The following RABL6 variants were observed in gnomAD, a reference collection of about 807,000 sequenced individuals.
The protein encoded by RABL6 is rab-like protein 6.
Under a neutral mutation model 72.9 loss-of-function variants are expected in RABL6, and 28 were observed. That is an observed-to-expected ratio of 0.38 (90% CI 0.28 to 0.53). RABL6 has a LOEUF of 0.53. RABL6 is among the 20% of genes least tolerant of loss of function. RABL6 has a pLI of 0.80. For synonymous variants in RABL6, 477 were observed against 421.2 expected (o/e 1.13, Z -1.62); for missense variants, 1,029 against 1,008.4 (o/e 1.02, Z -0.28).
rs748879632 is a variant in RABL6, at chr9:136,840,627, G to A, written c.*105G>A. ...CCTTTGCCGCTGCCCCGTGGCTGCC[G>A]TGTGCGCTTCTGAGCTGGAAGAGGC... On this transcript the variant is annotated 3_prime_UTR_variant, in exon 15 of 15. Coordinates refer to ENST00000311502, the MANE Select transcript of RABL6 (RefSeq NM_024718.5). 1.3e-4 allele frequency: 194 copies of A among 1,549,496 alleles called. No individual in the cohort carries two copies. In the East Asian group the frequency reaches 2.7e-3, roughly 21 times the overall value.
At position 136,839,426 on chromosome 9, in the gene RABL6, G is replaced by A; in HGVS notation, c.1698G>A (p.Leu566=). The change falls in exon 12 of 15, where the codon CTG becomes CTA. Residue 566 remains leucine (L), a synonymous_variant. Transcript: ENST00000311502. ...DPEGPIAAQM[L]SFVMDDPDFE... is the part of the protein sequence containing the mutation. The stretch of plus-strand genomic sequence containing the variant: ...AGGGACCCATTGCTGCACAAATGCT[G>A]TCCTTCGTCATGGATGACCCCGACT... The A allele has an allele frequency of 6.2e-7, 1 of 1,612,610 alleles. No individual in the cohort carries two copies. The highest frequency in any genetic ancestry group is 8.5e-7 in the Non-Finnish European group (1 of 1,179,738).
chr9:136,838,022 G>T lies in RABL6; in HGVS notation c.1280+7G>T. 6.4e-7 allele frequency: 1 copy of T among 1,555,038 alleles called. No individual in the cohort carries two copies. Among genetic ancestry groups the T allele is most frequent in the Non-Finnish European group, 8.7e-7 (1 of 1,149,732 alleles). On this transcript the variant is annotated splice_region_variant and intron_variant, in intron 10 of 14. Transcript: ENST00000311502. ...CCCAGCAGGACAGCGACAGGTGAGGGGTGGGCCTGGGCCTCCTCTCCCATT... is the reference window on the plus strand; with the variant it reads ...CCCAGCAGGACAGCGACAGGTGAGGTGTGGGCCTGGGCCTCCTCTCCCATT...
chr9:136,821,852 G>A, intron 1 of RABL6: 1 of 1,218,798 alleles, frequency 8.2e-7, no homozygotes, highest in South Asian at 1.4e-5. Flanking sequence ...TCGGCCGGGA[G>A]AAGCGCGGAG....
chr9:136,839,053 A>G lies in RABL6; in HGVS notation c.1425A>G (p.Ala475=). The G allele has an allele frequency of 6.2e-7, 1 of 1,612,392 alleles. No individual in the cohort carries two copies. Among genetic ancestry groups the G allele is most frequent in the South Asian group, 1.1e-5 (1 of 91,068 alleles). ...QDITLSSEEE[A]EVAAPTKGPA... ...TCACTCTTTCGAGTGAGGAGGAAGC[A>G]GAAGTGGCAGCTCCCACAAAAGGCC... Residue 475 remains alanine (A), a synonymous_variant, in exon 11 of 15, where the codon GCA becomes GCG. Coordinates refer to ENST00000311502, the MANE Select transcript of RABL6 (RefSeq NM_024718.5).
rs941428228 is a variant in RABL6 at position 136,814,061 on chromosome 9, C to T, written c.130+5735C>T. ...TCATTGCCAAAGTCTTTCAAACCAGCGAGTTCCAAGGCTCTTTCCAGGTCT... is the reference window on the plus strand; with the variant it reads ...TCATTGCCAAAGTCTTTCAAACCAGTGAGTTCCAAGGCTCTTTCCAGGTCT... On this transcript the variant is annotated intron_variant, in intron 1 of 14. Coordinates refer to ENST00000311502, the MANE Select transcript of RABL6 (RefSeq NM_024718.5). The T allele has an allele frequency of 2.6e-5, 10 of 381,780 alleles. 1 individual carries two copies. Among genetic ancestry groups the T allele is most frequent in the East Asian group, 1.7e-4 (2 of 11,950 alleles). 23.6% of individuals were successfully genotyped at this position (381,780 alleles called of 1,614,324 possible). A position where few individuals can be genotyped will look rare whatever the true frequency, so the allele number is the denominator to read the frequency against.
intron 1 of RABL6, among the ~76,000 whole-genome samples, chr9:136,812,484 G>A (rs1473885787): frequency 2.0e-5 from 3 of 152,052 alleles, no homozygotes; most frequent in Non-Finnish European, 2.9e-5. Flanking sequence ...GCTTGAACCC[G>A]GGAGGCAGAG....
chr9:136,821,655 G>A (rs1848240398), intron 1 of RABL6: 1 of 989,068 alleles, frequency 1.0e-6, no homozygotes, highest in Non-Finnish European at 1.2e-6. Flanking sequence ...GGCCCGTCTC[G>A]GGCCTCCCGC....
rs11788005 is a variant in RABL6, at chr9:136,823,989, C to T, written c.265+330C>T. Among the ~76,000 whole-genome samples the T allele has an allele frequency of 3.5e-3, 538 of 152,336 alleles. 5 individuals carry two copies. The highest frequency in any genetic ancestry group is 5.2e-3 in the Non-Finnish European group (355 of 68,022). On this transcript the variant is annotated intron_variant, in intron 2 of 14. Transcript: ENST00000311502. ...CCCTTGCCTGCACCCTCTTGGTGCA[C>T]ATGGTATTTTTTCTTGGGCCCCAGC... is the stretch of plus-strand genomic sequence containing the variant.
intron 1 of RABL6, among the ~76,000 whole-genome samples, chr9:136,817,090 T>C (rs927394868): frequency 6.6e-6 from 1 of 152,082 alleles, no homozygotes. Context: ...AGAAACAGAA[T>C]GAAAACCTCT....
At chr9:136,829,782 G>A (rs904360523) in intron 5 of RABL6, among the ~76,000 whole-genome samples, 5 of 152,248 alleles carry the variant, frequency 3.3e-5, no homozygotes, top group Non-Finnish European at 7.3e-5. Flanking sequence ...TCTGAGACTT[G>A]GCGGAAGCAA....
chr9:136,836,134 C>G (rs931862167), intron 8 of RABL6: 4 of 342,702 alleles, frequency 1.2e-5, no homozygotes, highest in African/African-American at 8.4e-5. Flanking sequence ...GCTGGGGCTG[C>G]CTGCCCATCA....
At chr9:136,813,306 AT>A in intron 1 of RABL6, 1 of 636,320 alleles carries the variant, frequency 1.6e-6, no homozygotes. Flanking sequence ...TAGATTTGCC[AT>A]TTTGGTTCTG....
chr9:136,815,335 T>G (rs181451076), intron 1 of RABL6: 24 of 279,256 alleles, frequency 8.6e-5, no homozygotes, highest in Non-Finnish European at 5.8e-5. Flanking sequence ...GCCTTTTTTG[T>G]TCGGGAAACT....
chr9:136,818,556 A>C lies in RABL6; in HGVS notation c.131-4969A>C, dbSNP rs540359041. Among the ~76,000 whole-genome samples, 71 of 152,060 alleles carry C rather than the reference A, an allele frequency of 4.7e-4. 1 individual carries two copies. The highest frequency in any genetic ancestry group is 4.2e-4 in the South Asian group (2 of 4,818). ...CAGGAGTTCACGACCAGCCTGGCCA[A>C]CATAGTGAGACCCCATCTCTACTAA... On this transcript the variant is annotated intron_variant, in intron 1 of 14. Coordinates refer to ENST00000311502, the MANE Select transcript of RABL6 (RefSeq NM_024718.5).
chr9:136,832,234 C>G (rs1229793992), intron 6 of RABL6, 31 bp from the exon 7 acceptor site: 4 of 1,592,210 alleles, frequency 2.5e-6, no homozygotes, highest in Non-Finnish European at 3.4e-6. Context: ...AAGGGTCTTT[C>G]TCTTGCATCT....
intron 1 of RABL6, 151 bp downstream of exon 1, chr9:136,808,477 G>A: frequency 1.1e-6 from 1 of 888,970 alleles, no homozygotes; most frequent in Non-Finnish European, 1.5e-6. Context: ...CGGGGGCGCG[G>A]GCCAGGGGAC....
chr9:136,840,622 C>CT lies in RABL6; in HGVS notation c.*101dup. 12 of 1,549,706 alleles carry CT rather than the reference C, an allele frequency of 7.7e-6. No homozygotes were observed. Among genetic ancestry groups the CT allele is most frequent in the Non-Finnish European group, 9.6e-6 (11 of 1,146,856 alleles). Reference sequence around the variant, plus strand: ...CATCGCCTTTGCCGCTGCCCCGTGGCTGCCGTGTGCGCTTCTGAGCTGGAA... The same window carrying CT: ...CATCGCCTTTGCCGCTGCCCCGTGGCTTGCCGTGTGCGCTTCTGAGCTGGAA... On this transcript the variant is annotated 3_prime_UTR_variant, in exon 15 of 15. Coordinates refer to ENST00000311502, the MANE Select transcript of RABL6 (RefSeq NM_024718.5).
chr9:136,838,298 G>A (rs1372110560), intron 10 of RABL6, among the ~76,000 whole-genome samples: 1 of 152,202 alleles, frequency 6.6e-6, no homozygotes, highest in Non-Finnish European at 1.5e-5. Context: ...AGCCATTGGA[G>A]AGGCCACTGC....
At chr9:136,811,435 T>C (rs1848009535) in intron 1 of RABL6, among the ~76,000 whole-genome samples, 1 of 151,786 alleles carries the variant, frequency 6.6e-6, no homozygotes, top group Admixed American at 6.6e-5. Context: ...CTGGCCAACA[T>C]GTCGAAACCC....
Sources: gnomAD v4.1 joint callset for allele counts (sites outside exome capture counted in the v4.1 genomes callset) on GRCh38, gnomAD v4.1.1 for gene constraint, MANE v1.5 for transcripts, NCBI Gene and HGNC (gene_info 2026-07-23, HGNC 2026-07-21) for gene names.